The following PHACTR1 variants were observed in gnomAD, a reference collection of about 807,000 sequenced individuals.
PHACTR1 encodes the protein phosphatase and actin regulator 1, also known as RPEL repeat containing 1.
In PHACTR1, 16 loss-of-function variants were observed where a neutral mutation model predicts 69.2. The observed-to-expected ratio is 0.23, with a 90% CI of 0.16 to 0.35. The LOEUF is 0.35. Ranked by LOEUF, PHACTR1 falls within the 10% of genes least tolerant of loss-of-function variation. PHACTR1 has a pLI of 1.00. For missense variants in PHACTR1, 510 were observed against 734.7 expected, an observed-to-expected ratio of 0.69 and a Z score of 3.54; for synonymous variants, 312 against 284.5, an observed-to-expected ratio of 1.10 and a Z score of -0.97.
chr6:12,762,556 T>C (rs1038873712), intron 4 of PHACTR1, among the ~76,000 whole-genome samples: 2 of 152,202 alleles, frequency 1.3e-5, no homozygotes, highest in Non-Finnish European at 2.9e-5. Flanking sequence ...AGTTTTCTTT[T>C]AACCTATCAC....
At chr6:12,975,080 A>G (rs572486820) in intron 4 of PHACTR1, among the ~76,000 whole-genome samples, 46 of 152,180 alleles carry the variant, frequency 3.0e-4, no homozygotes, top group Non-Finnish European at 5.4e-4. Flanking sequence ...CTACTGGGTT[A>G]TGGGCCGAGG....
chr6:13,010,046 C>T (rs867643737), intron 4 of PHACTR1, among the ~76,000 whole-genome samples: 46 of 152,306 alleles, frequency 3.0e-4, no homozygotes, highest in Middle Eastern at 6.8e-3. Context: ...TGTGGCTACT[C>T]TTGGTTACAA....
intron 3 of PHACTR1, among the ~76,000 whole-genome samples, chr6:12,719,217 A>C (rs1295703048): frequency 6.6e-6 from 1 of 152,218 alleles, no homozygotes; most frequent in African/African-American, 2.4e-5. Flanking sequence ...ATCATGACCC[A>C]GTGGACTGGA....
rs559698348 is a variant in PHACTR1 at position 12,717,585 on chromosome 6, G to A, written c.-205G>A. On this transcript the variant is annotated 5_prime_UTR_variant, in exon 2 of 15. Transcript: ENST00000332995. ...TGCTCTGGCCATTTTATCTGATAAA[G>A]GAAGTCCAGTGGACTGTATGCATTA... The A allele has an allele frequency of 6.6e-6, 1 of 152,142 alleles. No homozygotes were observed. The highest frequency in any genetic ancestry group is 1.5e-5 in the Non-Finnish European group (1 of 68,034). 9.4% of individuals were successfully genotyped at this position (152,142 alleles called of 1,614,324 possible).
rs566271850 is a variant in PHACTR1 at position 12,926,929 on chromosome 6, G to A, written c.251-126436G>A. On this transcript the variant is annotated intron_variant, in intron 4 of 14. Transcript: ENST00000332995. The stretch of plus-strand genomic sequence containing the variant: ...TCACCAAGTCTTTTCATGCCTCTGT[G>A]CCTTTGTTTAGCTCTCATTTCTGCC... Among the ~76,000 whole-genome samples the A allele has an allele frequency of 3.7e-4, 57 of 152,268 alleles. 2 individuals carry two copies. The South Asian group carries it at 0.011, about 30-fold the overall frequency.
intron 4 of PHACTR1, among the ~76,000 whole-genome samples, chr6:12,787,342 G>C (rs2127654649): frequency 6.6e-6 from 1 of 152,266 alleles, no homozygotes; most frequent in South Asian, 2.1e-4. Context: ...TTACTTCAGT[G>C]CCACACAGTT....
chr6:12,834,806 A>C (rs1276328606), intron 4 of PHACTR1, among the ~76,000 whole-genome samples: 1 of 152,148 alleles, frequency 6.6e-6, no homozygotes, highest in East Asian at 1.9e-4. Flanking sequence ...ATTCTGCTTA[A>C]ATATGCATAT....
chr6:13,274,873 C>T (rs1425061394), intron 11 of PHACTR1: 7 of 152,206 alleles, frequency 4.6e-5, no homozygotes, highest in African/African-American at 1.7e-4. Context: ...AATTAAAGAA[C>T]TACTTGACCA....
Position 13,125,366 on chromosome 6 carries a change from A to ATT in PHACTR1, c.416-34828_416-34827dup, listed in dbSNP as rs550183364. ...AATGGTAGTCTTTCTATTGCACTGG[A>ATT]TTTTTTTTTTTGTATGTAGCTTGAT... On this transcript the variant is annotated intron_variant, in intron 5 of 14. Coordinates refer to ENST00000332995, the MANE Select transcript of PHACTR1 (RefSeq NM_030948.6). 8.7e-3 allele frequency among the ~76,000 whole-genome samples: 1,282 copies of ATT among 146,574 alleles called. 13 individuals are homozygous for ATT. The highest frequency in any genetic ancestry group is 0.03 in the African/African-American group (1,220 of 40,284).
intron 10 of PHACTR1, among the ~76,000 whole-genome samples, chr6:13,260,691 C>A (rs551583256): frequency 2.6e-5 from 4 of 152,118 alleles, no homozygotes; most frequent in Non-Finnish European, 4.4e-5. Context: ...CATCATACTG[C>A]CCAAAGCCAC....
intron 4 of PHACTR1, among the ~76,000 whole-genome samples, chr6:12,993,717 G>A (rs976433335): frequency 1.3e-5 from 2 of 152,208 alleles, no homozygotes; most frequent in African/African-American, 2.4e-5. Context: ...AATTCCCTAT[G>A]AGAAATTGAA....
chr6:12,782,562 T>C (rs986970131), intron 4 of PHACTR1, among the ~76,000 whole-genome samples: 16 of 152,360 alleles, frequency 1.1e-4, no homozygotes, highest in Middle Eastern at 3.4e-3. Flanking sequence ...CCTTTAAATC[T>C]ATTATTTTAC....
chr6:13,286,758 TG>T (rs1391331009), intron 14 of PHACTR1, among the ~76,000 whole-genome samples: 1 of 152,206 alleles, frequency 6.6e-6, no homozygotes, highest in Non-Finnish European at 1.5e-5. Flanking sequence ...GACTTTCTTT[TG>T]GGGGGAACAT....
chr6:12,860,367 G>A (rs185530756), intron 4 of PHACTR1, among the ~76,000 whole-genome samples: 3 of 152,234 alleles, frequency 2.0e-5, no homozygotes, highest in Admixed American at 2.0e-4. Context: ...CATGGTGTAT[G>A]TGCCACATGT....
chr6:12,755,836 T>C (rs538832829), intron 4 of PHACTR1, among the ~76,000 whole-genome samples: 1 of 152,308 alleles, frequency 6.6e-6, no homozygotes, highest in African/African-American at 2.4e-5. Context: ...CTTTACCCTT[T>C]TAGATTACCA....
At chr6:13,030,853 G>C (rs1802360983) in intron 4 of PHACTR1, among the ~76,000 whole-genome samples, 1 of 152,180 alleles carries the variant, frequency 6.6e-6, no homozygotes. Flanking sequence ...CATGTGTTCA[G>C]AGGATACAGA....
intron 5 of PHACTR1, among the ~76,000 whole-genome samples, chr6:13,146,964 C>T (rs967790230): frequency 6.6e-6 from 1 of 152,172 alleles, no homozygotes; most frequent in African/African-American, 2.4e-5. Flanking sequence ...AAGCAAGCCC[C>T]AGAGCATTGA....
chr6:13,174,073 A>C (rs1370300629), intron 6 of PHACTR1, among the ~76,000 whole-genome samples: 1 of 152,134 alleles, frequency 6.6e-6, no homozygotes, highest in Non-Finnish European at 1.5e-5. Flanking sequence ...CAATGTCAAA[A>C]AAGTACATAA....
At chr6:12,836,819 G>C (rs757321340) in intron 4 of PHACTR1, among the ~76,000 whole-genome samples, 8 of 152,102 alleles carry the variant, frequency 5.3e-5, no homozygotes, top group Non-Finnish European at 8.8e-5. Context: ...CCTTTGAGAT[G>C]TTCTTTCAGG....
Sources: gnomAD v4.1 joint callset for allele counts (sites outside exome capture counted in the v4.1 genomes callset) on GRCh38, gnomAD v4.1.1 for gene constraint, MANE v1.5 for transcripts, NCBI Gene and HGNC (gene_info 2026-07-23, HGNC 2026-07-21) for gene names.